PTPRD: variants seen among roughly 807,000 people sequenced by gnomAD.
The protein encoded by PTPRD is protein tyrosine phosphatase receptor type D.
In PTPRD, 34 loss-of-function variants were observed where a neutral mutation model predicts 214.5. The observed-to-expected ratio is 0.16, with a 90% CI of 0.12 to 0.21. The LOEUF is 0.21. PTPRD is among the 10% of genes least tolerant of loss of function. The pLI is 1.00. For synonymous variants in PTPRD, 1,128 were observed against 845.7 expected (o/e 1.33, Z -5.79); for missense variants, 2,545 against 2,398.7 (o/e 1.06, Z -1.27).
chr9:9,356,994 G>A (rs2054056608), intron 9 of PTPRD, among the ~76,000 whole-genome samples: 2 of 151,278 alleles, frequency 1.3e-5, no homozygotes, highest in African/African-American at 2.4e-5. Flanking sequence ...AAGCATCCAA[G>A]GGGGATTTGG....
chr9:9,642,680 A>C (rs2096007427), intron 7 of PTPRD, among the ~76,000 whole-genome samples: 1 of 152,206 alleles, frequency 6.6e-6, no homozygotes, highest in South Asian at 2.1e-4. Context: ...TGCTACTCAG[A>C]TATGTGTTGG....
Position 9,246,257 on chromosome 9 carries a change from A to G in PTPRD, c.-202-62894T>C, listed in dbSNP as rs1339731208. 3.3e-5 allele frequency among the ~76,000 whole-genome samples: 5 copies of G among 152,128 alleles called. 1 individual carries two copies. The South Asian group carries it at 1.0e-3, about 32-fold the overall frequency. Reference sequence around the variant, plus strand: ...TTTTAGTGTCCTCCGATATGTCTCGAAACTAATACTTTCAGGTTTTTCTCA... The same window carrying G: ...TTTTAGTGTCCTCCGATATGTCTCGGAACTAATACTTTCAGGTTTTTCTCA... On this transcript the variant is annotated intron_variant, in intron 9 of 45. Transcript: ENST00000381196.
chr9:9,126,618 T>C (rs140607772), intron 10 of PTPRD, among the ~76,000 whole-genome samples: 1 of 152,312 alleles, frequency 6.6e-6, no homozygotes, highest in East Asian at 1.9e-4. Context: ...GAAAGATTAA[T>C]GAAAACAAGA....
At chr9:9,049,784 A>T (rs1161175639) in intron 10 of PTPRD, among the ~76,000 whole-genome samples, 2 of 152,148 alleles carry the variant, frequency 1.3e-5, no homozygotes, top group East Asian at 1.9e-4. Flanking sequence ...TAATGATTTG[A>T]GTCCTGCCCT....
chr9:8,441,923 C>T (rs2095560375), intron 34 of PTPRD, among the ~76,000 whole-genome samples: 1 of 151,616 alleles, frequency 6.6e-6, no homozygotes, highest in African/African-American at 2.4e-5. Context: ...TTTAACACCC[C>T]TGGACAAGTG....
At chr9:9,461,696 C>T (rs972593884) in intron 8 of PTPRD, among the ~76,000 whole-genome samples, 2 of 152,096 alleles carry the variant, frequency 1.3e-5, no homozygotes, top group African/African-American at 4.8e-5. Flanking sequence ...TACAGCCTCA[C>T]AAAAATTGTT....
intron 3 of PTPRD, among the ~76,000 whole-genome samples, chr9:10,065,284 C>G (rs1206186701): frequency 6.6e-6 from 1 of 151,898 alleles, no homozygotes; most frequent in Non-Finnish European, 1.5e-5. Flanking sequence ...GTAGTTGGCG[C>G]AGAGTTGCAC....
chr9:9,389,560 A>G (rs528317022), intron 9 of PTPRD, among the ~76,000 whole-genome samples: 2 of 152,286 alleles, frequency 1.3e-5, no homozygotes, highest in South Asian at 2.1e-4. Context: ...TTTATCTCTA[A>G]TTGCAATAAC....
intron 2 of PTPRD, among the ~76,000 whole-genome samples, chr9:10,550,865 T>A (rs1465462226): frequency 6.6e-6 from 1 of 152,214 alleles, no homozygotes; most frequent in Non-Finnish European, 1.5e-5. Context: ...TTTCTAAATG[T>A]TATTCCACAC....
chr9:8,589,817 TATA>T (rs1395097961), intron 14 of PTPRD, among the ~76,000 whole-genome samples: 1 of 152,184 alleles, frequency 6.6e-6, no homozygotes, highest in Non-Finnish European at 1.5e-5. Flanking sequence ...CACAACCTGT[TATA>T]ATGTTTTGTA....
At chr9:9,032,309 TGTGGCATTGCTGTCTTCATGCTGACA>T (rs2099608152) in intron 10 of PTPRD, among the ~76,000 whole-genome samples, 1 of 152,086 alleles carries the variant, frequency 6.6e-6, no homozygotes, top group Non-Finnish European at 1.5e-5. Context: ...CTTTTCATGG[TGTGGCATTGCTGTCTTCATGCTGACA>T]CAGCTCTCAG....
chr9:8,738,275 ACT>A (rs2090988461), intron 11 of PTPRD, among the ~76,000 whole-genome samples: 1 of 152,068 alleles, frequency 6.6e-6, no homozygotes, highest in Non-Finnish European at 1.5e-5. Context: ...CACCTATCCA[ACT>A]CTTTTTCTTC....
At chr9:8,482,009 C>T (rs1349833363) in intron 30 of PTPRD, among the ~76,000 whole-genome samples, 2 of 152,078 alleles carry the variant, frequency 1.3e-5, no homozygotes, top group Non-Finnish European at 1.5e-5. Context: ...TCTCGAACTC[C>T]TGACCTTGTG....
chr9:10,533,170 C>T (rs1035701849), intron 2 of PTPRD, among the ~76,000 whole-genome samples: 5 of 152,082 alleles, frequency 3.3e-5, no homozygotes, highest in Admixed American at 3.3e-4. Context: ...TCCTGCTTTC[C>T]TCCAGGAGTG....
At chr9:9,301,567 G>T (rs1955317689) in intron 9 of PTPRD, among the ~76,000 whole-genome samples, 1 of 151,770 alleles carries the variant, frequency 6.6e-6, no homozygotes, top group African/African-American at 2.4e-5. Context: ...TACATAATTT[G>T]TCATTTTTGA....
In PTPRD at chr9:9,242,308, T is replaced by A. The variant is rs539837489; in HGVS notation, c.-202-58945A>T. ...TCCTTCATGTCAACTTTGGTGAATCTGACAATTATGTGTCTTGGAGCTGCT... is the reference window on the plus strand; with the variant it reads ...TCCTTCATGTCAACTTTGGTGAATCAGACAATTATGTGTCTTGGAGCTGCT... On this transcript the variant is annotated intron_variant, in intron 9 of 45. Coordinates refer to ENST00000381196, the MANE Select transcript of PTPRD (RefSeq NM_002839.4). Among the ~76,000 whole-genome samples the A allele has an allele frequency of 1.1e-4, 16 of 152,286 alleles. No homozygotes were observed. In the South Asian group the frequency reaches 3.3e-3, roughly 32 times the overall value.
chr9:9,362,429 C>T (rs2056504876), intron 9 of PTPRD, among the ~76,000 whole-genome samples: 2 of 151,128 alleles, frequency 1.3e-5, no homozygotes, highest in African/African-American at 2.4e-5. Flanking sequence ...AACTACAACA[C>T]AGTGTGATAT....
At chr9:9,287,517 A>C (rs1489229867) in intron 9 of PTPRD, among the ~76,000 whole-genome samples, 3 of 151,890 alleles carry the variant, frequency 2.0e-5, no homozygotes, top group Non-Finnish European at 4.4e-5. Context: ...GAAATTACTC[A>C]GTACGTTATC....
intron 5 of PTPRD, among the ~76,000 whole-genome samples, chr9:9,870,149 G>A (rs1020371078): frequency 2.0e-5 from 3 of 151,918 alleles, no homozygotes; most frequent in Non-Finnish European, 4.4e-5. Flanking sequence ...TGGTAAAAAG[G>A]TAAAATCATT....
Sources: gnomAD v4.1 joint callset for allele counts (sites outside exome capture counted in the v4.1 genomes callset) on GRCh38, gnomAD v4.1.1 for gene constraint, MANE v1.5 for transcripts, NCBI Gene and HGNC (gene_info 2026-07-23, HGNC 2026-07-21) for gene names.